Variants in MTFMT observed in about 807,000 individuals in gnomAD.
MTFMT encodes the protein methionyl-tRNA formyltransferase, mitochondrial.
Under a neutral mutation model 51.8 loss-of-function variants are expected in MTFMT, and 47 were observed. The observed-to-expected ratio is 0.91, with a 90% confidence interval of 0.72 to 1.16. MTFMT has a LOEUF of 1.16. Ranked by LOEUF, MTFMT falls within the 50% of genes most tolerant of loss-of-function variation. MTFMT has a pLI of 0.00. For synonymous variants in MTFMT, 196 were observed against 176.7 expected (o/e 1.11, Z -0.87); for missense variants, 512 against 482.3 (o/e 1.06, Z -0.58).
intron 2 of MTFMT, among the ~76,000 whole-genome samples, chr15:65,024,596 TC>T (rs1414094624): frequency 5.9e-5 from 9 of 151,686 alleles, no homozygotes; most frequent in African/African-American, 1.5e-4. Flanking sequence ...CCTCCCAAGC[TC>T]AGGAGATCCT....
At chr15:65,016,708 T>A (rs2086325422) in intron 5 of MTFMT, among the ~76,000 whole-genome samples, 181 bp from the exon 6 acceptor site, 1 of 151,344 alleles carries the variant, frequency 6.6e-6, no homozygotes, top group African/African-American at 2.4e-5. Flanking sequence ...AATATTAAAA[T>A]AAAACATGGG....
At chr15:65,010,071 A>G (rs1470733678) in intron 6 of MTFMT, among the ~76,000 whole-genome samples, 1 of 151,966 alleles carries the variant, frequency 6.6e-6, no homozygotes, top group East Asian at 1.9e-4. Context: ...ATCCTACTCA[A>G]TCTTGCTTCT....
chr15:65,006,035 A>G, intron 7 of MTFMT, 78 bp downstream of exon 7: 1 of 948,864 alleles, frequency 1.1e-6, no homozygotes. Flanking sequence ...AGTAATTGTG[A>G]CATATGATAA....
At chr15:65,006,761 T>TA (rs1162089089) in intron 6 of MTFMT, among the ~76,000 whole-genome samples, 2 of 152,176 alleles carry the variant, frequency 1.3e-5, no homozygotes, top group Admixed American at 6.5e-5. Flanking sequence ...ATTATCCTTA[T>TA]AAAAAATGCA....
intron 7 of MTFMT, 100 bp downstream of exon 7, chr15:65,006,011 TAA>T (rs2086216947): frequency 2.6e-6 from 2 of 764,622 alleles, no homozygotes; most frequent in Non-Finnish European, 4.3e-6. Context: ...TGAAACAAAC[TAA>T]AAGTTATTTT....
Position 65,019,097 on chromosome 15 carries a change from C to G in MTFMT, c.721+1100G>C, listed in dbSNP as rs570106262. Among the ~76,000 whole-genome samples, 5 of 152,316 alleles carry G rather than the reference C, an allele frequency of 3.3e-5. No homozygotes were observed. The South Asian group carries it at 1.0e-3, about 32-fold the overall frequency. On this transcript the variant is annotated intron_variant, in intron 5 of 8. Coordinates refer to ENST00000220058, the MANE Select transcript of MTFMT (RefSeq NM_139242.4). Reference sequence around the variant, plus strand: ...CATCATGTGAAAGGTTGTTAGGGAACAGGATATCTGCACAGTGCCAGAGTA... The same window carrying G: ...CATCATGTGAAAGGTTGTTAGGGAAGAGGATATCTGCACAGTGCCAGAGTA...
At chr15:65,007,811 A>C (rs977639273) in intron 6 of MTFMT, among the ~76,000 whole-genome samples, 1 of 152,154 alleles carries the variant, frequency 6.6e-6, no homozygotes, top group African/African-American at 2.4e-5. Flanking sequence ...AATTTGCAAA[A>C]ATATTTTCTA....
intron 2 of MTFMT, among the ~76,000 whole-genome samples, chr15:65,025,836 A>G (rs1438394417): frequency 6.6e-6 from 1 of 152,206 alleles, no homozygotes; most frequent in African/African-American, 2.4e-5. Flanking sequence ...CGTTGTCAGC[A>G]TATATATGGA....
intron 3 of MTFMT, 130 bp from the exon 4 acceptor site, chr15:65,021,746 G>A (rs2086375664): frequency 1.7e-6 from 1 of 576,072 alleles, no homozygotes; most frequent in East Asian, 2.8e-5. Context: ...TCAGGAGGCT[G>A]AGGCAGCAGG....
intron 6 of MTFMT, among the ~76,000 whole-genome samples, chr15:65,011,425 G>T (rs1407562756): frequency 2.0e-5 from 3 of 149,428 alleles, no homozygotes; most frequent in Non-Finnish European, 4.4e-5. Flanking sequence ...CTTTACTCTG[G>T]ATATTAGGCC....
chr15:65,027,340 GGCAT>G (rs1451758824), intron 1 of MTFMT, among the ~76,000 whole-genome samples: 1 of 151,926 alleles, frequency 6.6e-6, no homozygotes, highest in Non-Finnish European at 1.5e-5. Flanking sequence ...TGGGATTACA[GGCAT>G]GCACCACCAC....
intron 6 of MTFMT, among the ~76,000 whole-genome samples, chr15:65,011,231 AGAATCGCTT>A (rs771055046): frequency 9.9e-5 from 15 of 152,238 alleles, no homozygotes; most frequent in Non-Finnish European, 1.0e-4. Context: ...CTGAGGCAGG[AGAATCGCTT>A]GAATCCAGGA....
chr15:65,025,467 G>T (rs980070306), intron 2 of MTFMT, among the ~76,000 whole-genome samples: 4 of 152,132 alleles, frequency 2.6e-5, no homozygotes. Context: ...GTAAAAGACT[G>T]AGAGGGCCAA....
intron 2 of MTFMT, among the ~76,000 whole-genome samples, chr15:65,025,104 T>A (rs2086410075): frequency 6.6e-6 from 1 of 151,766 alleles, no homozygotes; most frequent in Admixed American, 6.6e-5. Flanking sequence ...TTTAAAAGGA[T>A]CACTTTGAGG....
Position 65,008,504 on chromosome 15 carries a change from C to T in MTFMT, c.814-2313G>A, listed in dbSNP as rs556279896. Among the ~76,000 whole-genome samples, 5 of 152,310 alleles carry T rather than the reference C, an allele frequency of 3.3e-5. No homozygotes were observed. The South Asian group carries it at 1.0e-3, about 32-fold the overall frequency. ...TTTCATACATGAAGAGAGTGAGGCT[C>T]AGAGAAATGCAGCTATTTTCCCAAG... is the stretch of plus-strand genomic sequence containing the variant. On this transcript the variant is annotated intron_variant, in intron 6 of 8. Coordinates refer to ENST00000220058, the MANE Select transcript of MTFMT (RefSeq NM_139242.4).
chr15:65,019,050 G>T (rs1012860097), intron 5 of MTFMT, among the ~76,000 whole-genome samples: 1 of 152,162 alleles, frequency 6.6e-6, no homozygotes, highest in South Asian at 2.1e-4. Context: ...TTTGGGCAAG[G>T]AATATCAATC....
At chr15:65,027,442 G>T (rs1223491686) in intron 1 of MTFMT, among the ~76,000 whole-genome samples, 1 of 151,970 alleles carries the variant, frequency 6.6e-6, no homozygotes, top group African/African-American at 2.4e-5. Context: ...CAAGTGATCC[G>T]TCCGCCTCCA....
chr15:65,028,772 A>C (rs1356293082), intron 1 of MTFMT, among the ~76,000 whole-genome samples: 1 of 152,228 alleles, frequency 6.6e-6, no homozygotes, highest in Non-Finnish European at 1.5e-5. Flanking sequence ...GACTGGTTGG[A>C]TTTCAAATAA....
chr15:65,026,587 A>G (rs1182903614), intron 2 of MTFMT: 1 of 447,490 alleles, frequency 2.2e-6, no homozygotes, highest in Non-Finnish European at 4.0e-6. Context: ...TGTGTTCCAG[A>G]CTGTGTTTGC....
Sources: allele counts gnomAD v4.1 joint callset (sites outside exome capture counted in the v4.1 genomes callset), GRCh38; gene constraint gnomAD v4.1.1; transcripts MANE v1.5; gene names NCBI Gene and HGNC (gene_info 2026-07-23, HGNC 2026-07-21).